TYW1: variants seen among roughly 807,000 people sequenced by gnomAD.
TYW1 encodes the protein S-adenosyl-L-methionine-dependent tRNA 4-demethylwyosine synthase TYW1.
Under a neutral mutation model 96.2 loss-of-function variants are expected in TYW1, and 46 were observed. The ratio of observed to expected loss-of-function variants is 0.48; its 90% CI spans 0.38 to 0.61. TYW1 has a LOEUF of 0.61. Among genes scored for constraint, TYW1 ranks in the 20% least tolerant of loss-of-function variants. TYW1 has a pLI of 0.00. For synonymous variants in TYW1, 274 were observed against 323.0 expected (o/e 0.85, Z 1.63); for missense variants, 684 against 909.6 (o/e 0.75, Z 3.19).
chr7:67,236,580 G>A (rs1312176800), intron 15 of TYW1, among the ~76,000 whole-genome samples: 1 of 152,232 alleles, frequency 6.6e-6, no homozygotes, highest in Non-Finnish European at 1.5e-5. Context: ...TCTGTCTTGG[G>A]AGAGAAAATG....
intron 12 of TYW1, among the ~76,000 whole-genome samples, chr7:67,106,778 C>T (rs1797257821): frequency 1.3e-5 from 2 of 152,108 alleles, no homozygotes; most frequent in Admixed American, 6.5e-5. Context: ...TCTCATAGCT[C>T]TTTTTTGGTG....
At chr7:67,117,174 G>T (rs556651197) in intron 12 of TYW1, among the ~76,000 whole-genome samples, 1 of 152,176 alleles carries the variant, frequency 6.6e-6, no homozygotes, top group African/African-American at 2.4e-5. Context: ...GATGCTGTCA[G>T]ACTTGAAGTT....
chr7:67,184,660 TATGTTA>T (rs1799961252), intron 14 of TYW1, among the ~76,000 whole-genome samples: 1 of 96,320 alleles, frequency 1.0e-5, no homozygotes, highest in Non-Finnish European at 2.1e-5. Flanking sequence ...TATGTTATGT[TATGTTA>T]TGTTATGTTA....
At chr7:67,211,659 C>T (rs150172894) in intron 15 of TYW1, among the ~76,000 whole-genome samples, 2,125 of 152,302 alleles carry the variant, frequency 0.014, 50 homozygotes, top group African/African-American at 0.048. Context: ...GTCATTCTAG[C>T]CTCCTCCCCT....
At chr7:67,096,614 G>T (rs1159742623) in intron 11 of TYW1, among the ~76,000 whole-genome samples, 1 of 151,686 alleles carries the variant, frequency 6.6e-6, no homozygotes, top group Non-Finnish European at 1.5e-5. Context: ...AGGGGTACAA[G>T]TGCAGGTTTG....
At chr7:67,011,299 T>G (rs1295810258) in intron 4 of TYW1, among the ~76,000 whole-genome samples, 1 of 152,202 alleles carries the variant, frequency 6.6e-6, no homozygotes, top group Non-Finnish European at 1.5e-5. Flanking sequence ...CGGCCTCCCA[T>G]AGTGCTGGGT....
rs199533419 is a variant in TYW1, at chr7:67,195,083, C to T, written c.1810-87C>T. The T allele has an allele frequency of 3.5e-5, 53 of 1,505,828 alleles. No individual in the cohort carries two copies. In the East Asian group the frequency reaches 1.2e-3, roughly 34 times the overall value. The allele number at this position is 1,505,828 out of a possible 1,614,324, so 93.3% of individuals were successfully genotyped here. On this transcript the variant is annotated intron_variant, in intron 14 of 15. Transcript: ENST00000359626. The stretch of plus-strand genomic sequence containing the variant: ...CGGACTGGATTGCATTGGTTGACCT[C>T]AAGAAGGTTTTCCGGCTCTGAAAGT...
intron 13 of TYW1, among the ~76,000 whole-genome samples, chr7:67,151,144 G>A (rs1193637704): frequency 1.3e-5 from 2 of 151,438 alleles, no homozygotes; most frequent in Non-Finnish European, 2.9e-5. Flanking sequence ...TCCGCCTCCC[G>A]GGTTCAAGCG....
chr7:67,110,663 A>C (rs1234874309), intron 12 of TYW1, among the ~76,000 whole-genome samples: 1 of 152,166 alleles, frequency 6.6e-6, no homozygotes, highest in Non-Finnish European at 1.5e-5. Context: ...CAAACCAAAC[A>C]AACCTGGGTT....
chr7:67,048,957 T>C (rs1795275838), intron 7 of TYW1, among the ~76,000 whole-genome samples: 5 of 152,248 alleles, frequency 3.3e-5, no homozygotes, highest in Admixed American at 1.3e-4. Context: ...GTGTTTGCAG[T>C]GAGCCAAGAT....
intron 13 of TYW1, among the ~76,000 whole-genome samples, chr7:67,174,236 A>G (rs900634981): frequency 6.6e-6 from 1 of 152,124 alleles, no homozygotes; most frequent in Non-Finnish European, 1.5e-5. Flanking sequence ...CAAAAGTTTT[A>G]CTCATTTACT....
intron 15 of TYW1, among the ~76,000 whole-genome samples, chr7:67,218,886 C>A (rs182114948): frequency 2.3e-3 from 351 of 152,208 alleles, no homozygotes; most frequent in Middle Eastern, 6.8e-3. Context: ...AATTTGGATA[C>A]CTTGTATTTC....
chr7:67,133,593 C>T (rs1234562424), intron 13 of TYW1, among the ~76,000 whole-genome samples: 2 of 131,682 alleles, frequency 1.5e-5, no homozygotes, highest in African/African-American at 6.2e-5. Context: ...AGGTACTTGG[C>T]GGCTGAGCGA....
At chr7:67,172,817 GGACTTTTT>G (rs1799556802) in intron 13 of TYW1, among the ~76,000 whole-genome samples, 1 of 152,012 alleles carries the variant, frequency 6.6e-6, no homozygotes, top group African/African-American at 2.4e-5. Context: ...TCCAGCTGAA[GGACTTTTT>G]AAAAAACAAA....
intron 7 of TYW1, among the ~76,000 whole-genome samples, chr7:67,037,758 G>A (rs945221839): frequency 1.3e-5 from 2 of 151,894 alleles, no homozygotes; most frequent in Admixed American, 6.6e-5. Flanking sequence ...GCTTGAGCCC[G>A]GGAATTTGAG....
intron 11 of TYW1, 53 bp downstream of exon 11, chr7:67,083,592 C>G: frequency 6.4e-7 from 1 of 1,562,748 alleles, no homozygotes; most frequent in East Asian, 2.3e-5. Context: ...TAGTCTGAAT[C>G]AGATTGGCAG....
At chr7:67,130,698 TA>T (rs1316621876) in intron 13 of TYW1, among the ~76,000 whole-genome samples, 1 of 151,502 alleles carries the variant, frequency 6.6e-6, no homozygotes, top group East Asian at 1.9e-4. Flanking sequence ...AAAAATGAAG[TA>T]AATATAACAC....
At chr7:67,136,423 A>G (rs898783618) in intron 13 of TYW1, among the ~76,000 whole-genome samples, 1 of 152,222 alleles carries the variant, frequency 6.6e-6, no homozygotes, top group African/African-American at 2.4e-5. Context: ...CCAAGGTATT[A>G]TTAGTACTAG....
At chr7:67,008,317 C>T (rs971426772) in intron 3 of TYW1, among the ~76,000 whole-genome samples, 9 of 152,168 alleles carry the variant, frequency 5.9e-5, no homozygotes, top group Non-Finnish European at 8.8e-5. Context: ...TACATAGGCA[C>T]GATTGATTAA....
Sources: allele counts gnomAD v4.1 joint callset (sites outside exome capture counted in the v4.1 genomes callset), GRCh38; gene constraint gnomAD v4.1.1; transcripts MANE v1.5; gene names NCBI Gene and HGNC (gene_info 2026-07-23, HGNC 2026-07-21).